DIP2B: variants seen among roughly 807,000 people sequenced by gnomAD.
DIP2B encodes the protein DIP2 acetate--CoA ligase B (putative).
A neutral mutation model predicts 198.0 loss-of-function variants in DIP2B; 76 were observed. The ratio of observed to expected loss-of-function variants is 0.38; its 90% CI spans 0.32 to 0.46. The LOEUF is 0.46. Ranked by LOEUF, DIP2B falls within the 20% of genes least tolerant of loss-of-function variation. The probability of loss-of-function intolerance (pLI) is 0.99; values close to 1 mark genes in which losing one functional copy is unlikely to be tolerated. For missense variants in DIP2B, 1,559 were observed against 1,978.4 expected (o/e 0.79, Z 4.02); for synonymous variants, 701 against 739.1 (o/e 0.95, Z 0.84).
intron 4 of DIP2B, among the ~76,000 whole-genome samples, chr12:50,662,582 G>A (rs1938670805): frequency 4.6e-5 from 7 of 152,180 alleles, no homozygotes; most frequent in Admixed American, 3.9e-4. Context: ...CCAATTGGCT[G>A]TTTCCAATGC....
At chr12:50,579,050 G>A (rs138004098) in intron 1 of DIP2B, among the ~76,000 whole-genome samples, 1 of 152,250 alleles carries the variant, frequency 6.6e-6, no homozygotes, top group Non-Finnish European at 1.5e-5. Flanking sequence ...ACATCTTAAT[G>A]CCTGAGTCCA....
At position 50,542,357 on chromosome 12, in the gene DIP2B, T is replaced by G. The variant is rs142295667; in HGVS notation, c.100+37117T>G. Among the ~76,000 whole-genome samples the G allele has an allele frequency of 1.6e-3, 239 of 152,278 alleles. 1 individual carries two copies. Among genetic ancestry groups the G allele is most frequent in the African/African-American group, 5.5e-3 (227 of 41,552 alleles). ...GGAATTTATAAATGTATTCAAAAAT[T>G]TTTTTCATCTTTGTTGATGCATATT... On this transcript the variant is annotated intron_variant, in intron 1 of 37. Transcript: ENST00000301180.
chr12:50,720,793 AAAAG>A (rs1254709972), intron 25 of DIP2B, among the ~76,000 whole-genome samples: 1 of 152,172 alleles, frequency 6.6e-6, no homozygotes, highest in Non-Finnish European at 1.5e-5. Flanking sequence ...TCAGAACAAA[AAAAG>A]AAAGAAAAAG....
chr12:50,563,635 A>G (rs1307947800), intron 1 of DIP2B, among the ~76,000 whole-genome samples: 1 of 151,664 alleles, frequency 6.6e-6, no homozygotes, highest in Non-Finnish European at 1.5e-5. Flanking sequence ...AGCTGGGACT[A>G]CTGGTGTGGG....
intron 14 of DIP2B, among the ~76,000 whole-genome samples, chr12:50,693,367 G>T (rs1485511998): frequency 6.6e-6 from 1 of 152,160 alleles, no homozygotes; most frequent in East Asian, 1.9e-4. Context: ...TTGAAAAATA[G>T]GTAAGCTTTA....
chr12:50,678,188 C>G (rs939090180), intron 7 of DIP2B, among the ~76,000 whole-genome samples: 7 of 151,416 alleles, frequency 4.6e-5, no homozygotes, highest in African/African-American at 1.5e-4. Flanking sequence ...CTGTTACTAT[C>G]CCCGTTTTAC....
chr12:50,574,567 A>G (rs1005141254), intron 1 of DIP2B, among the ~76,000 whole-genome samples: 1 of 139,422 alleles, frequency 7.2e-6, no homozygotes, highest in African/African-American at 2.5e-5. Context: ...GAGCATGAAC[A>G]GACTATTTAT....
At chr12:50,527,995 AC>A (rs1227525372) in intron 1 of DIP2B, among the ~76,000 whole-genome samples, 1 of 150,138 alleles carries the variant, frequency 6.7e-6, no homozygotes, top group Non-Finnish European at 1.5e-5. Flanking sequence ...TAGTGTAATC[AC>A]GGCTCACTGC....
intron 5 of DIP2B, among the ~76,000 whole-genome samples, chr12:50,673,868 G>C (rs1360739050): frequency 6.6e-6 from 1 of 152,166 alleles, no homozygotes; most frequent in Non-Finnish European, 1.5e-5. Context: ...AACCTTGTCT[G>C]TCAAGGAGAT....
In DIP2B at chr12:50,697,533, C is replaced by CTTTTT. The variant is rs11306905; in HGVS notation, c.2048+381_2048+385dup. Among the ~76,000 whole-genome samples the CTTTTT allele has an allele frequency of 1.0e-3, 48 of 45,958 alleles. 10 individuals are homozygous for CTTTTT. Among genetic ancestry groups the CTTTTT allele is most frequent in the African/African-American group, 3.5e-3 (35 of 10,116 alleles). 30.2% of individuals were successfully genotyped at this position (45,958 alleles called of 152,430 possible). On this transcript the variant is annotated intron_variant, in intron 17 of 37. Coordinates refer to ENST00000301180, the MANE Select transcript of DIP2B (RefSeq NM_173602.3). ...ATGTGTGTGTGTGTATATAGATATA[C>CTTTTT]TTTTTTTTTTTTTTTTTTTTTTTTT... is the stretch of plus-strand genomic sequence containing the variant.
intron 1 of DIP2B, among the ~76,000 whole-genome samples, chr12:50,595,742 G>A (rs535565327): frequency 5.9e-5 from 9 of 152,204 alleles, no homozygotes; most frequent in Non-Finnish European, 1.2e-4. Context: ...ACAAGTCTGT[G>A]TATTGATTTA....
chr12:50,656,223 A>G (rs536309277), intron 3 of DIP2B, among the ~76,000 whole-genome samples: 4 of 152,302 alleles, frequency 2.6e-5, no homozygotes, highest in African/African-American at 9.6e-5. Flanking sequence ...GGGCTTAGAA[A>G]AGATACCCCA....
At chr12:50,524,121 C>T (rs189191346) in intron 1 of DIP2B, among the ~76,000 whole-genome samples, 99 of 152,318 alleles carry the variant, frequency 6.5e-4, no homozygotes, top group African/African-American at 2.0e-3. Flanking sequence ...GGCCACCTCT[C>T]TGTATCAAGT....
chr12:50,509,506 G>T (rs1957995969), intron 1 of DIP2B, among the ~76,000 whole-genome samples: 1 of 152,188 alleles, frequency 6.6e-6, no homozygotes, highest in African/African-American at 2.4e-5. Flanking sequence ...ACACTTCTCT[G>T]AGTACAAACA....
intron 22 of DIP2B, among the ~76,000 whole-genome samples, chr12:50,714,143 A>G (rs964735654): frequency 2.6e-5 from 4 of 152,198 alleles, no homozygotes; most frequent in East Asian, 1.9e-4. Context: ...TTGCAAGTCA[A>G]TATCCACCTT....
intron 10 of DIP2B, among the ~76,000 whole-genome samples, chr12:50,683,548 G>A (rs1055519266): frequency 6.6e-6 from 1 of 152,174 alleles, no homozygotes; most frequent in East Asian, 1.9e-4. Context: ...TTGGGAAGCT[G>A]AGGCGGGGGG....
intron 1 of DIP2B, among the ~76,000 whole-genome samples, chr12:50,509,288 T>C (rs1055620785): frequency 6.6e-6 from 1 of 152,028 alleles, no homozygotes; most frequent in African/African-American, 2.4e-5. Context: ...AAATACGAGA[T>C]TGGATTGTGT....
At chr12:50,650,025 A>G (rs550108494) in intron 3 of DIP2B, among the ~76,000 whole-genome samples, 3 of 152,138 alleles carry the variant, frequency 2.0e-5, no homozygotes, top group Non-Finnish European at 4.4e-5. Flanking sequence ...CCTGGCCAAC[A>G]TGATGAAACC....
At chr12:50,644,189 CTT>C (rs1938309921) in intron 3 of DIP2B, among the ~76,000 whole-genome samples, 1 of 152,124 alleles carries the variant, frequency 6.6e-6, no homozygotes, top group Admixed American at 6.6e-5. Context: ...CAAGAGGGAG[CTT>C]AATTTCAAGT....
Sources: allele counts gnomAD v4.1 joint callset (sites outside exome capture counted in the v4.1 genomes callset), GRCh38; gene constraint gnomAD v4.1.1; transcripts MANE v1.5; gene names NCBI Gene and HGNC (gene_info 2026-07-23, HGNC 2026-07-21).